TMEM62: variants seen among roughly 807,000 people sequenced by gnomAD.
The protein encoded by TMEM62 is transmembrane protein 62.
In TMEM62, 41 loss-of-function variants were observed where a neutral mutation model predicts 70.4. That is an observed-to-expected ratio of 0.58 (90% CI 0.45 to 0.76). The LOEUF (loss-of-function observed/expected upper bound fraction) is 0.76, where lower values mean the gene tolerates loss of function less well. Ranked by LOEUF, TMEM62 falls within the 30% of genes least tolerant of loss-of-function variation. The pLI is 0.00. For missense variants in TMEM62, 688 were observed against 788.5 expected (o/e 0.87, Z 1.53); for synonymous variants, 268 against 291.0 (o/e 0.92, Z 0.80).
At position 43,138,624 on chromosome 15, in the gene TMEM62, T is replaced by TG; in HGVS notation, c.476+6dup. 1 of 1,598,430 alleles carries TG rather than the reference T, an allele frequency of 6.3e-7. No individual in the cohort carries two copies. The highest frequency in any genetic ancestry group is 1.1e-5 in the South Asian group (1 of 90,184). Reference sequence around the variant, plus strand: ...CAGCATCAAGAATTATTACAGGTACTGTAATAAACAGAAGACAGACCACTA... The same window carrying TG: ...CAGCATCAAGAATTATTACAGGTACTGGTAATAAACAGAAGACAGACCACTA... On this transcript the variant is annotated splice_donor_region_variant and intron_variant, in intron 4 of 13. Coordinates refer to ENST00000260403, the MANE Select transcript of TMEM62 (RefSeq NM_024956.4).
chr15:43,164,034 T>C (rs1468191192), intron 10 of TMEM62, among the ~76,000 whole-genome samples: 1 of 152,218 alleles, frequency 6.6e-6, no homozygotes, highest in Non-Finnish European at 1.5e-5. Flanking sequence ...TTTTTTATTC[T>C]TATAGAACTT....
In TMEM62 at chr15:43,148,853, A is replaced by G. The variant is rs1001818464; in HGVS notation, c.717A>G (p.Pro239=). Reference sequence around the variant, plus strand: ...TTACAACATCCACTATTCTTTCTCCATCACCAGGAATCCGGTCAATAATGA... The same window carrying G: ...TTACAACATCCACTATTCTTTCTCCGTCACCAGGAATCCGGTCAATAATGA... ...GHFTTSTILS[P]SPGIRSIMSS... is the part of the protein sequence containing the mutation. The change falls in exon 6 of 14, where the codon CCA becomes CCG. Residue 239 remains proline, a synonymous_variant. Transcript: ENST00000260403. 1 of 1,613,690 alleles carries G rather than the reference A, an allele frequency of 6.2e-7. No homozygotes were observed. Among genetic ancestry groups the G allele is most frequent in the South Asian group, 1.1e-5 (1 of 90,840 alleles).
chr15:43,177,155 C>A (rs548169021), intron 11 of TMEM62, among the ~76,000 whole-genome samples: 1 of 151,914 alleles, frequency 6.6e-6, no homozygotes, highest in Admixed American at 6.6e-5. Flanking sequence ...TAAAAAGAAA[C>A]GAGCAAAGCC....
At chr15:43,158,890 A>T (rs951659822) in intron 9 of TMEM62, among the ~76,000 whole-genome samples, 1 of 152,216 alleles carries the variant, frequency 6.6e-6, no homozygotes, top group Non-Finnish European at 1.5e-5. Context: ...ATTGATGTAT[A>T]AAAAATACTT....
At chr15:43,148,641 G>A (rs754447763) in intron 5 of TMEM62, 114 bp from the exon 6 acceptor site, 116 of 1,278,126 alleles carry the variant, frequency 9.1e-5, no homozygotes, top group Middle Eastern at 8.5e-4. Flanking sequence ...AAGGTTTAAG[G>A]CCTAGACACA....
intron 5 of TMEM62, 49 bp downstream of exon 5, chr15:43,146,683 G>C: frequency 6.8e-7 from 1 of 1,477,934 alleles, no homozygotes; most frequent in Middle Eastern, 1.8e-4. Flanking sequence ...TTTTTTCATG[G>C]ATACGTGTGG....
intron 4 of TMEM62, among the ~76,000 whole-genome samples, chr15:43,141,843 CTTCAG>C (rs1449081590): frequency 6.6e-6 from 1 of 152,154 alleles, no homozygotes; most frequent in Non-Finnish European, 1.5e-5. Flanking sequence ...GGGTTCAAGA[CTTCAG>C]TGGAGGAAGA....
intron 11 of TMEM62, among the ~76,000 whole-genome samples, chr15:43,173,641 T>C (rs1338752904): frequency 6.6e-6 from 1 of 152,188 alleles, no homozygotes; most frequent in African/African-American, 2.4e-5. Flanking sequence ...CTTATCTAAA[T>C]CTTAGCCTCC....
chr15:43,172,732 A>G (rs1007556108), intron 11 of TMEM62, among the ~76,000 whole-genome samples: 14 of 152,188 alleles, frequency 9.2e-5, no homozygotes, highest in Non-Finnish European at 1.8e-4. Context: ...AGATTTACTT[A>G]AGTCACATGA....
At chr15:43,176,949 G>C (rs1337421388) in intron 11 of TMEM62, among the ~76,000 whole-genome samples, 1 of 152,036 alleles carries the variant, frequency 6.6e-6, no homozygotes, top group Non-Finnish European at 1.5e-5. Context: ...AAAAAATTTA[G>C]ACAAATGTGT....
intron 10 of TMEM62, among the ~76,000 whole-genome samples, chr15:43,165,664 C>T (rs1395431668): frequency 3.3e-5 from 5 of 151,536 alleles, no homozygotes; most frequent in East Asian, 1.9e-4. Context: ...ACCCAGGAGG[C>T]GGAGCTTGTA....
chr15:43,136,638 A>G (rs2035261472), intron 3 of TMEM62, among the ~76,000 whole-genome samples: 1 of 149,688 alleles, frequency 6.7e-6, no homozygotes, highest in Non-Finnish European at 1.5e-5. Context: ...GTATTTTTAG[A>G]AGAGGTGGGG....
At position 43,172,122 on chromosome 15, in the gene TMEM62, T is replaced by G. The variant is rs112351753; in HGVS notation, c.1381+2445T>G. Among the ~76,000 whole-genome samples, 857 of 152,302 alleles carry G rather than the reference T, an allele frequency of 5.6e-3. 9 individuals are homozygous for G. Among genetic ancestry groups the G allele is most frequent in the African/African-American group, 0.02 (814 of 41,566 alleles). ...AGTATGTTTTGTCTTTCTATGCAAT[T>G]TAAGAAACCAAGAACCAACTTATAC... is the stretch of plus-strand genomic sequence containing the variant. On this transcript the variant is annotated intron_variant, in intron 11 of 13. Transcript: ENST00000260403.
chr15:43,153,125 A>G (rs1310812325), intron 8 of TMEM62, among the ~76,000 whole-genome samples: 1 of 152,196 alleles, frequency 6.6e-6, no homozygotes, highest in Admixed American at 6.5e-5. Flanking sequence ...CTTCACTTGA[A>G]TAATTTCTTT....
intron 9 of TMEM62, among the ~76,000 whole-genome samples, chr15:43,155,777 C>G (rs2037978698): frequency 6.6e-6 from 1 of 152,154 alleles, no homozygotes; most frequent in Admixed American, 6.6e-5. Context: ...TGATTGCTGT[C>G]TCTAATTGTA....
chr15:43,148,773 T>C lies in TMEM62; in HGVS notation c.637T>C (p.Leu213=). 6.2e-7 allele frequency: 1 copy of C among 1,614,032 alleles called. No individual in the cohort carries two copies. The highest frequency in any genetic ancestry group is 8.5e-7 in the Non-Finnish European group (1 of 1,179,990). The part of the protein sequence containing the change: ...ILDKKKMEEL[L]LLAKESSRSN... ...ATCTCAGAAAAAGATGGAGGAGCTC[T>C]TATTACTGGCCAAGGAAAGCAGTCG... The change falls in exon 6 of 14, where the codon TTA becomes CTA. Residue 213 remains leucine, a synonymous_variant. Coordinates refer to ENST00000260403, the MANE Select transcript of TMEM62 (RefSeq NM_024956.4).
At chr15:43,135,721 T>G in intron 3 of TMEM62, 72 bp downstream of exon 3, 2 of 1,481,904 alleles carry the variant, frequency 1.3e-6, no homozygotes. Context: ...ATTTTCCAAC[T>G]TAGATTGTAA....
At chr15:43,181,345 A>G (rs1321308852) in intron 13 of TMEM62, 46 bp downstream of exon 13, 2 of 1,201,670 alleles carry the variant, frequency 1.7e-6, no homozygotes, top group Non-Finnish European at 2.5e-6. Context: ...GACTTGTCAG[A>G]CTAATTGCAT....
intron 12 of TMEM62, chr15:43,179,748 T>G (rs895364346): frequency 6.6e-6 from 1 of 152,228 alleles, no homozygotes; most frequent in Non-Finnish European, 1.5e-5. Context: ...ATTTTACACT[T>G]TTATCCTCCC....
Sources: gnomAD v4.1 joint callset for allele counts (sites outside exome capture counted in the v4.1 genomes callset) on GRCh38, gnomAD v4.1.1 for gene constraint, MANE v1.5 for transcripts, NCBI Gene and HGNC (gene_info 2026-07-23, HGNC 2026-07-21) for gene names.